The following GNAQ variants were observed in gnomAD, a reference collection of about 807,000 sequenced individuals.
The protein encoded by GNAQ is G protein subunit alpha q.
Under a neutral mutation model 43.9 loss-of-function variants are expected in GNAQ, and 8 were observed. The ratio of observed to expected loss-of-function variants is 0.18; its 90% CI spans 0.11 to 0.33. The LOEUF is 0.33. Among genes scored for constraint, GNAQ ranks in the 10% least tolerant of loss-of-function variants. GNAQ has a pLI of 1.00. For synonymous variants in GNAQ, 155 were observed against 170.7 expected (o/e 0.91, Z 0.71); for missense variants, 158 against 450.8 (o/e 0.35, Z 5.88).
At chr9:77,956,616 G>C (rs971080453) in intron 1 of GNAQ, among the ~76,000 whole-genome samples, 2 of 152,046 alleles carry the variant, frequency 1.3e-5, no homozygotes, top group African/African-American at 2.4e-5. Context: ...CTAATATATA[G>C]CCTCTCTTCA....
At chr9:77,967,707 C>T (rs1018954232) in intron 1 of GNAQ, among the ~76,000 whole-genome samples, 6 of 152,074 alleles carry the variant, frequency 3.9e-5, no homozygotes, top group Admixed American at 1.3e-4. Flanking sequence ...CTGCTGGGCG[C>T]GGTGGCTCTC....
chr9:77,985,748 G>A (rs565915637), intron 1 of GNAQ, among the ~76,000 whole-genome samples: 5 of 151,940 alleles, frequency 3.3e-5, no homozygotes, highest in South Asian at 2.1e-4. Flanking sequence ...CACCACACCC[G>A]GCTAATTTTT....
chr9:77,966,462 A>G (rs761751629), intron 1 of GNAQ, among the ~76,000 whole-genome samples: 5 of 152,216 alleles, frequency 3.3e-5, no homozygotes, highest in Non-Finnish European at 5.9e-5. Flanking sequence ...ATAGGATTTT[A>G]CTAAGTTGAA....
At chr9:77,746,447 A>G (rs1825730857) in intron 5 of GNAQ, among the ~76,000 whole-genome samples, 1 of 152,188 alleles carries the variant, frequency 6.6e-6, no homozygotes. Flanking sequence ...CTGATTTAAA[A>G]TGAACAAAAT....
Position 77,738,265 on chromosome 9 carries a change from T to C in GNAQ, c.736-9598A>G, listed in dbSNP as rs978793921. 5.9e-5 allele frequency among the ~76,000 whole-genome samples: 9 copies of C among 152,178 alleles called. No homozygotes were observed. In the South Asian group the frequency reaches 1.2e-3, roughly 21 times the overall value. ...TCAATAGTGCTCCACTCCCTAAGAA[T>C]GTGAGTTTCTGAAGTTCTGATACTA... On this transcript the variant is annotated intron_variant, in intron 5 of 6. Coordinates refer to ENST00000286548, the MANE Select transcript of GNAQ (RefSeq NM_002072.5).
At chr9:77,958,903 A>AT in intron 1 of GNAQ, among the ~76,000 whole-genome samples, 1 of 152,112 alleles carries the variant, frequency 6.6e-6, no homozygotes, top group East Asian at 1.9e-4. Context: ...TTCTTTCATG[A>AT]TTTTCCCCTT....
chr9:77,829,072 C>T (rs1432488516), intron 2 of GNAQ, among the ~76,000 whole-genome samples: 2 of 152,114 alleles, frequency 1.3e-5, no homozygotes, highest in Admixed American at 6.6e-5. Flanking sequence ...GGGACAAGAG[C>T]TGCTGGGGCC....
chr9:78,008,579 C>T (rs1468876124), intron 1 of GNAQ, among the ~76,000 whole-genome samples: 2 of 73,358 alleles, frequency 2.7e-5, no homozygotes, highest in Non-Finnish European at 5.3e-5. Flanking sequence ...TATTTCATTT[C>T]ATTTCATTTC....
chr9:77,869,286 G>T (rs994891440), intron 2 of GNAQ, among the ~76,000 whole-genome samples: 1 of 152,086 alleles, frequency 6.6e-6, no homozygotes, highest in Non-Finnish European at 1.5e-5. Flanking sequence ...TGTTTTCTCT[G>T]CTTCTTCAAT....
chr9:77,877,336 TAAGTA>T lies in GNAQ; in HGVS notation c.321+44820_321+44824del, dbSNP rs1828140984. ...AACTTTGTTTTAGCATTATAAATAC[TAAGTA>T]TAGTAGTCTCAGAAACAGAAGTAGC... On this transcript the variant is annotated intron_variant, in intron 2 of 6. Transcript: ENST00000286548. 3.3e-5 allele frequency among the ~76,000 whole-genome samples: 5 copies of T among 152,204 alleles called. No individual in the cohort carries two copies. In the South Asian group the frequency reaches 1.0e-3, roughly 31 times the overall value.
At chr9:77,796,286 G>C (rs1251748095) in intron 4 of GNAQ, among the ~76,000 whole-genome samples, 2 of 152,174 alleles carry the variant, frequency 1.3e-5, no homozygotes, top group Admixed American at 6.5e-5. Flanking sequence ...TCACGGCAAG[G>C]AATGAAGGTG....
At chr9:77,869,665 C>G (rs186837049) in intron 2 of GNAQ, among the ~76,000 whole-genome samples, 51 of 152,154 alleles carry the variant, frequency 3.4e-4, no homozygotes, top group Non-Finnish European at 6.5e-4. Context: ...CAAAATGCAG[C>G]CTATAAAATA....
intron 3 of GNAQ, among the ~76,000 whole-genome samples, chr9:77,814,601 T>C (rs1022090521): frequency 2.6e-5 from 4 of 152,150 alleles, no homozygotes; most frequent in African/African-American, 9.7e-5. Flanking sequence ...AGTAAAAGCA[T>C]GACAATTTTA....
chr9:77,963,347 T>A (rs1373972215), intron 1 of GNAQ, among the ~76,000 whole-genome samples: 1 of 152,160 alleles, frequency 6.6e-6, no homozygotes, highest in South Asian at 2.1e-4. Context: ...GAAATCTCAA[T>A]TGGTTCAACT....
intron 3 of GNAQ, among the ~76,000 whole-genome samples, chr9:77,806,002 T>C (rs1277378245): frequency 3.9e-5 from 6 of 152,094 alleles, no homozygotes; most frequent in East Asian, 1.9e-4. Flanking sequence ...TAGTGCCAAA[T>C]AGGAAAAGGG....
At chr9:77,975,724 G>C (rs1295951319) in intron 1 of GNAQ, among the ~76,000 whole-genome samples, 1 of 152,008 alleles carries the variant, frequency 6.6e-6, no homozygotes, top group Admixed American at 6.6e-5. Flanking sequence ...ATTTTTAGTA[G>C]AGACGGGGTT....
Position 77,794,453 on chromosome 9 carries a change from G to A in GNAQ, c.735+10C>T, listed in dbSNP as rs769999222. ...AATGATAATCCATTGCCTGTCTAAAGAACACTTACCTCATTGTCTGACTCC... is the reference window on the plus strand; with the variant it reads ...AATGATAATCCATTGCCTGTCTAAAAAACACTTACCTCATTGTCTGACTCC... On this transcript the variant is annotated intron_variant, in intron 5 of 6. Transcript: ENST00000286548. 6.4e-7 allele frequency: 1 copy of A among 1,572,362 alleles called. No individual in the cohort carries two copies. Among genetic ancestry groups the A allele is most frequent in the Non-Finnish European group, 8.7e-7 (1 of 1,152,192 alleles).
intron 5 of GNAQ, among the ~76,000 whole-genome samples, chr9:77,772,491 C>G (rs923018083): frequency 6.6e-6 from 1 of 152,172 alleles, no homozygotes; most frequent in African/African-American, 2.4e-5. Context: ...TGAGACAAAC[C>G]TAGTACTACA....
At chr9:77,955,510 T>C (rs1403734975) in intron 1 of GNAQ, among the ~76,000 whole-genome samples, 3 of 152,182 alleles carry the variant, frequency 2.0e-5, no homozygotes, top group African/African-American at 7.2e-5. Context: ...TTAAGCACTT[T>C]TTGTACATAA....
Sources: gnomAD v4.1 joint callset for allele counts (sites outside exome capture counted in the v4.1 genomes callset) on GRCh38, gnomAD v4.1.1 for gene constraint, MANE v1.5 for transcripts, NCBI Gene and HGNC (gene_info 2026-07-23, HGNC 2026-07-21) for gene names.